Variants in TCF4 observed in about 807,000 individuals in gnomAD.
The protein encoded by TCF4 is SL3-3 enhancer factor 2.
TCF4 carries 3 observed loss-of-function variants against 82.1 expected under a neutral mutation model. The ratio of observed to expected loss-of-function variants is 0.04; its 90% CI spans 0.02 to 0.09. TCF4 has a LOEUF of 0.09. TCF4 is among the 10% of genes least tolerant of loss of function. The pLI, the probability that TCF4 is intolerant of heterozygous loss-of-function variation, is 1.00. For missense variants in TCF4, 518 were observed against 852.7 expected (o/e 0.61, Z 4.89); for synonymous variants, 276 against 309.6 (o/e 0.89, Z 1.14).
intron 5 of TCF4, among the ~76,000 whole-genome samples, chr18:55,443,302 G>C (rs2095472924): frequency 6.6e-6 from 1 of 152,130 alleles, no homozygotes; most frequent in Non-Finnish European, 1.5e-5. Context: ...TTTATCACAA[G>C]AATCATGTTC....
chr18:55,540,188 G>A (rs1233123359), intron 3 of TCF4, among the ~76,000 whole-genome samples: 1 of 151,894 alleles, frequency 6.6e-6, no homozygotes, highest in Admixed American at 6.6e-5. Context: ...TAGTTGAGAA[G>A]ATTTCAGAAT....
intron 2 of TCF4, among the ~76,000 whole-genome samples, chr18:55,615,214 A>G (rs2097710701): frequency 6.6e-6 from 1 of 152,092 alleles, no homozygotes; most frequent in South Asian, 2.1e-4. Context: ...TGAACAGGCT[A>G]TATCTCTTCA....
chr18:55,301,589 C>G (rs2068298005), intron 8 of TCF4, among the ~76,000 whole-genome samples: 1 of 152,048 alleles, frequency 6.6e-6, no homozygotes, highest in Non-Finnish European at 1.5e-5. Flanking sequence ...TTCTTCCTTC[C>G]CCCTATCCCA....
chr18:55,278,030 C>T (rs370940716), intron 9 of TCF4, among the ~76,000 whole-genome samples: 5 of 152,236 alleles, frequency 3.3e-5, no homozygotes, highest in Admixed American at 6.5e-5. Context: ...TTCTGACACA[C>T]GGGCTCTATT....
At chr18:55,349,814 C>G (rs576890657) in intron 8 of TCF4, among the ~76,000 whole-genome samples, 2 of 152,192 alleles carry the variant, frequency 1.3e-5, no homozygotes, top group South Asian at 4.2e-4. Context: ...ACCCAGAATG[C>G]TCTTGGTTAC....
chr18:55,429,642 T>G (rs2095114373), intron 5 of TCF4, among the ~76,000 whole-genome samples: 1 of 151,300 alleles, frequency 6.6e-6, no homozygotes, highest in East Asian at 1.9e-4. Context: ...GCGCCTGTGG[T>G]CCCAGCTACT....
At chr18:55,619,833 T>A (rs2147979308) in intron 2 of TCF4, among the ~76,000 whole-genome samples, 1 of 152,302 alleles carries the variant, frequency 6.6e-6, no homozygotes, top group South Asian at 2.1e-4. Flanking sequence ...TAGACCTTCT[T>A]AAGCTTTTTT....
At chr18:55,403,734 G>T in intron 5 of TCF4, 2 of 1,536,952 alleles carry the variant, frequency 1.3e-6, no homozygotes, top group Non-Finnish European at 1.7e-6. Context: ...TAGCCAAACT[G>T]CTCCACACTT....
intron 3 of TCF4, among the ~76,000 whole-genome samples, chr18:55,485,717 C>G (rs1568193878): frequency 6.6e-6 from 1 of 152,220 alleles, no homozygotes; most frequent in Non-Finnish European, 1.5e-5. Context: ...ATGCTACATA[C>G]ACAGACTAAG....
At chr18:55,521,224 C>A (rs552966625) in intron 3 of TCF4, among the ~76,000 whole-genome samples, 1 of 152,046 alleles carries the variant, frequency 6.6e-6, no homozygotes, top group African/African-American at 2.4e-5. Flanking sequence ...TATGACAAAT[C>A]GGATTCAAGT....
intron 5 of TCF4, among the ~76,000 whole-genome samples, chr18:55,444,051 A>G (rs1212664352): frequency 1.3e-5 from 2 of 152,218 alleles, no homozygotes; most frequent in Non-Finnish European, 2.9e-5. Context: ...AAGAGTTTGC[A>G]TTCCTAAGCA....
chr18:55,438,861 T>C lies in TCF4; in HGVS notation c.304+22158A>G, dbSNP rs376103121. ...AAGTGAAGCTCCCTCCTCATAACAG[T>C]GTTTGCATTAATGAGTATCTTAAAG... On this transcript the variant is annotated intron_variant, in intron 5 of 19. Transcript: ENST00000354452. Among the ~76,000 whole-genome samples, 4 of 152,334 alleles carry C rather than the reference T, an allele frequency of 2.6e-5. No individual in the cohort carries two copies. The East Asian group carries it at 5.8e-4, about 22-fold the overall frequency.
At chr18:55,229,274 T>C in intron 17 of TCF4, 198 bp from the exon 18 acceptor site, 2 of 643,836 alleles carry the variant, frequency 3.1e-6, no homozygotes, top group Non-Finnish European at 5.5e-6. Context: ...TATTTGGTTT[T>C]CTCGCAGACA....
intron 3 of TCF4, among the ~76,000 whole-genome samples, chr18:55,520,928 C>T (rs186991159): frequency 6.2e-4 from 95 of 152,144 alleles, no homozygotes; most frequent in Admixed American, 2.6e-3. Flanking sequence ...TCAGCCTATT[C>T]GTCGCAATTC....
At chr18:55,513,103 A>G (rs976462414) in intron 3 of TCF4, among the ~76,000 whole-genome samples, 1 of 152,142 alleles carries the variant, frequency 6.6e-6, no homozygotes, top group Non-Finnish European at 1.5e-5. Context: ...AATTCTCCTA[A>G]TAAGTGGGCA....
intron 5 of TCF4, among the ~76,000 whole-genome samples, chr18:55,457,733 C>A (rs918133209): frequency 6.6e-6 from 1 of 152,134 alleles, no homozygotes; most frequent in Non-Finnish European, 1.5e-5. Flanking sequence ...ATTTATATCC[C>A]ACTTTGCATA....
intron 6 of TCF4, among the ~76,000 whole-genome samples, chr18:55,360,088 A>G (rs2084704928): frequency 6.6e-6 from 1 of 152,234 alleles, no homozygotes; most frequent in South Asian, 2.1e-4. Flanking sequence ...TAGAAGAAAC[A>G]TTGCAGGAGA....
upstream of TCF4, among the ~76,000 whole-genome samples, chr18:55,590,706 T>C (rs2097683798): frequency 1.3e-5 from 2 of 152,244 alleles, no homozygotes; most frequent in South Asian, 4.1e-4. Context: ...ACAATAGCTT[T>C]TAGTCTTTGC....
chr18:55,491,784 T>C (rs192606342), intron 3 of TCF4, among the ~76,000 whole-genome samples: 1 of 152,300 alleles, frequency 6.6e-6, no homozygotes, highest in East Asian at 1.9e-4. Flanking sequence ...TGTTCCTAGG[T>C]TCTCTGACAC....
Sources: gnomAD v4.1 joint callset for allele counts (sites outside exome capture counted in the v4.1 genomes callset) on GRCh38, gnomAD v4.1.1 for gene constraint, MANE v1.5 for transcripts, NCBI Gene and HGNC (gene_info 2026-07-23, HGNC 2026-07-21) for gene names.